Variants in ARHGAP26 observed in about 807,000 individuals in gnomAD.
The protein encoded by ARHGAP26 is rho GTPase-activating protein 26.
A neutral mutation model predicts 104.8 loss-of-function variants in ARHGAP26; 38 were observed. The observed-to-expected ratio is 0.36, with a 90% CI of 0.28 to 0.48. The LOEUF is 0.48. Among genes scored for constraint, ARHGAP26 ranks in the 20% least tolerant of loss-of-function variants. The pLI, the probability that ARHGAP26 is intolerant of heterozygous loss-of-function variation, is 0.99. For missense variants in ARHGAP26, 704 were observed against 947.9 expected (o/e 0.74, Z 3.38); for synonymous variants, 341 against 340.0 (o/e 1.00, Z -0.03).
intron 9 of ARHGAP26, chr5:142,908,845 C>G (rs1465367818): frequency 6.0e-6 from 1 of 167,346 alleles, no homozygotes; most frequent in Admixed American, 6.5e-5. Flanking sequence ...CTAGTTCTTC[C>G]CTCCTCCTGG....
rs1776367098 is a variant in ARHGAP26 at position 142,996,232 on chromosome 5, AC to A, written c.1108-17846del. Among the ~76,000 whole-genome samples, 3 of 152,166 alleles carry A rather than the reference AC, an allele frequency of 2.0e-5. No homozygotes were observed. In the South Asian group the frequency reaches 6.2e-4, roughly 32 times the overall value. On this transcript the variant is annotated intron_variant, in intron 11 of 22. Coordinates refer to ENST00000645722, the MANE Select transcript of ARHGAP26 (RefSeq NM_001135608.3). ...TTTGTGGCTGGGTGCAGTGGCTCAC[AC>A]CTGTAATCCCAGCACTTTGAAAGGC...
At chr5:142,893,343 G>A (rs1196397870) in intron 5 of ARHGAP26, among the ~76,000 whole-genome samples, 2 of 151,986 alleles carry the variant, frequency 1.3e-5, no homozygotes, top group African/African-American at 2.4e-5. Flanking sequence ...CACTTTTTTA[G>A]CACCTACATA....
intron 17 of ARHGAP26, among the ~76,000 whole-genome samples, chr5:143,107,171 C>A (rs740572): frequency 0.84 from 128,028 of 152,054 alleles, 54,930 homozygotes; most frequent in Non-Finnish European, 0.92. Flanking sequence ...TGGGTGTGAG[C>A]ATACTTGGTG....
At chr5:142,820,786 A>G (rs573057366) in intron 1 of ARHGAP26, among the ~76,000 whole-genome samples, 1 of 152,362 alleles carries the variant, frequency 6.6e-6, no homozygotes, top group South Asian at 2.1e-4. Flanking sequence ...AAGCAATTGC[A>G]ATGTGTCAGG....
chr5:143,162,525 G>GCCAAGGTA (rs1801395369), intron 20 of ARHGAP26, among the ~76,000 whole-genome samples: 1 of 152,158 alleles, frequency 6.6e-6, no homozygotes, highest in Admixed American at 6.5e-5. Flanking sequence ...GATGGCCATG[G>GCCAAGGTA]CCAAGGTAAT....
chr5:143,036,586 G>A (rs751746050), intron 12 of ARHGAP26, among the ~76,000 whole-genome samples: 10 of 152,080 alleles, frequency 6.6e-5, no homozygotes, highest in Non-Finnish European at 1.3e-4. Context: ...ACCTGAGCAG[G>A]ATTATACTTA....
intron 5 of ARHGAP26, among the ~76,000 whole-genome samples, chr5:142,893,982 T>C (rs1759104056): frequency 6.6e-6 from 1 of 151,932 alleles, no homozygotes; most frequent in Non-Finnish European, 1.5e-5. Context: ...TGTATACATT[T>C]ACCTTTTTAA....
At chr5:143,135,305 G>A (rs1797786043) in intron 19 of ARHGAP26, among the ~76,000 whole-genome samples, 2 of 152,276 alleles carry the variant, frequency 1.3e-5, no homozygotes, top group South Asian at 2.1e-4. Context: ...TTGTTCTGAG[G>A]ATTAAGGCCC....
intron 11 of ARHGAP26, among the ~76,000 whole-genome samples, chr5:142,945,279 A>G (rs1182369371): frequency 6.6e-6 from 1 of 152,062 alleles, no homozygotes; most frequent in Admixed American, 6.6e-5. Flanking sequence ...CAGCCTTTCT[A>G]CCTGTGCTTC....
intron 20 of ARHGAP26, chr5:143,168,952 C>T (rs1802412527): frequency 6.6e-6 from 1 of 152,242 alleles, no homozygotes; most frequent in South Asian, 2.1e-4. Flanking sequence ...TGGGTAGCAT[C>T]CCTTCTCTTT....
At chr5:142,896,110 G>T (rs1364353287) in intron 6 of ARHGAP26, among the ~76,000 whole-genome samples, 1 of 152,190 alleles carries the variant, frequency 6.6e-6, no homozygotes, top group African/African-American at 2.4e-5. Flanking sequence ...TGATTTTCCT[G>T]CTTAAAGCAC....
chr5:142,950,741 GC>G (rs1768197381), intron 11 of ARHGAP26, among the ~76,000 whole-genome samples: 1 of 152,098 alleles, frequency 6.6e-6, no homozygotes, highest in African/African-American at 2.4e-5. Flanking sequence ...ATTAGAGAGG[GC>G]CCCTCCCAAG....
At chr5:142,957,631 T>A (rs1353676567) in intron 11 of ARHGAP26, among the ~76,000 whole-genome samples, 3 of 152,250 alleles carry the variant, frequency 2.0e-5, no homozygotes, top group Non-Finnish European at 4.4e-5. Flanking sequence ...GATCTAGATT[T>A]CCATGCTGCA....
intron 17 of ARHGAP26, among the ~76,000 whole-genome samples, chr5:143,092,988 C>G (rs1012378636): frequency 1.3e-5 from 2 of 152,190 alleles, no homozygotes; most frequent in East Asian, 3.8e-4. Flanking sequence ...GGAGTTCCTC[C>G]TAGGTCTGCT....
chr5:143,057,974 C>T (rs1409860998), intron 17 of ARHGAP26: 2 of 668,836 alleles, frequency 3.0e-6, no homozygotes, highest in African/African-American at 1.8e-5. Context: ...AACCAGGCCA[C>T]CAAGCAGAGT....
chr5:142,885,460 TGTGCTG>T, intron 5 of ARHGAP26, 61 bp downstream of exon 5: 2 of 1,446,150 alleles, frequency 1.4e-6, no homozygotes, highest in Non-Finnish European at 1.9e-6. Context: ...GCTGTGGATA[TGTGCTG>T]GTTGCTCTTT....
rs1489347721 is a variant in ARHGAP26 at position 142,971,974 on chromosome 5, G to A, written c.1107+39849G>A. Among the ~76,000 whole-genome samples the A allele has an allele frequency of 2.0e-5, 3 of 152,276 alleles. No homozygotes were observed. In the East Asian group the frequency reaches 5.8e-4, roughly 29 times the overall value. On this transcript the variant is annotated intron_variant, in intron 11 of 22. Transcript: ENST00000645722. The stretch of plus-strand genomic sequence containing the variant: ...AGGCGGGCAGATCAGTTGAGGTCAG[G>A]AGTCCGAGACCAGCCTGGCCAACAT...
intron 11 of ARHGAP26, among the ~76,000 whole-genome samples, chr5:142,975,901 A>C (rs920260046): frequency 6.6e-6 from 1 of 152,262 alleles, no homozygotes; most frequent in African/African-American, 2.4e-5. Context: ...TAACAAGAAT[A>C]TAATGTGGCC....
chr5:143,197,072 A>G (rs919934079), intron 20 of ARHGAP26, among the ~76,000 whole-genome samples: 1 of 152,244 alleles, frequency 6.6e-6, no homozygotes, highest in African/African-American at 2.4e-5. Context: ...TCATTGCTGT[A>G]GAGTGCACCA....
Sources: gnomAD v4.1 joint callset for allele counts (sites outside exome capture counted in the v4.1 genomes callset) on GRCh38, gnomAD v4.1.1 for gene constraint, MANE v1.5 for transcripts, NCBI Gene and HGNC (gene_info 2026-07-23, HGNC 2026-07-21) for gene names.